TTC7B: variants seen among roughly 807,000 people sequenced by gnomAD.
TTC7B encodes the protein tetratricopeptide repeat protein 7B.
In TTC7B, 28 loss-of-function variants were observed where a neutral mutation model predicts 106.8. The ratio of observed to expected loss-of-function variants is 0.26; its 90% confidence interval spans 0.19 to 0.36. The LOEUF is 0.36. Among genes scored for constraint, TTC7B ranks in the 10% least tolerant of loss-of-function variants. TTC7B has a pLI of 1.00. For missense variants in TTC7B, 862 were observed against 1,076.4 expected (o/e 0.80, Z 2.79); for synonymous variants, 405 against 430.6 (o/e 0.94, Z 0.74).
chr14:90,767,093 C>T (rs78878264), intron 3 of TTC7B: 22,809 of 624,608 alleles, frequency 0.037, 542 homozygotes, highest in Middle Eastern at 0.05. Flanking sequence ...GTAGCTCACA[C>T]CTGTAACTGC....
intron 1 of TTC7B, among the ~76,000 whole-genome samples, chr14:90,809,171 T>G (rs2030762765): frequency 6.6e-6 from 1 of 152,176 alleles, no homozygotes; most frequent in Non-Finnish European, 1.5e-5. Flanking sequence ...GGCCATAAGA[T>G]GGCCACAGCT....
At chr14:90,660,771 C>T (rs1291259292) in intron 9 of TTC7B, among the ~76,000 whole-genome samples, 2 of 152,236 alleles carry the variant, frequency 1.3e-5, no homozygotes, top group African/African-American at 4.8e-5. Context: ...AGAGGTCACA[C>T]AGTAAATATC....
chr14:90,589,324 A>C (rs1891856994), intron 18 of TTC7B, among the ~76,000 whole-genome samples: 1 of 152,220 alleles, frequency 6.6e-6, no homozygotes, highest in Non-Finnish European at 1.5e-5. Context: ...TGAATACCAA[A>C]ATCCATGGAT....
chr14:90,754,381 T>A (rs1197581184), intron 3 of TTC7B, among the ~76,000 whole-genome samples: 1 of 152,198 alleles, frequency 6.6e-6, no homozygotes, highest in East Asian at 1.9e-4. Context: ...TGCTTTCTAA[T>A]CCACAGCTGA....
chr14:90,626,729 T>G (rs1464063403), intron 15 of TTC7B, among the ~76,000 whole-genome samples: 1 of 152,210 alleles, frequency 6.6e-6, no homozygotes, highest in Admixed American at 6.5e-5. Flanking sequence ...ACCGTGTCTA[T>G]ATGCTTTTCA....
intron 17 of TTC7B, among the ~76,000 whole-genome samples, chr14:90,605,313 AC>A (rs1415147967): frequency 6.6e-6 from 1 of 152,234 alleles, no homozygotes; most frequent in African/African-American, 2.4e-5. Flanking sequence ...CCAGGAAAGC[AC>A]GGAAGGACCC....
chr14:90,558,691 G>T (rs765070925), intron 19 of TTC7B, among the ~76,000 whole-genome samples: 1 of 152,206 alleles, frequency 6.6e-6, no homozygotes, highest in Non-Finnish European at 1.5e-5. Context: ...GGGTCTCCCC[G>T]GCCAGCGCTC....
chr14:90,763,699 T>C (rs748871936), intron 3 of TTC7B, among the ~76,000 whole-genome samples: 1 of 152,184 alleles, frequency 6.6e-6, no homozygotes, highest in Non-Finnish European at 1.5e-5. Flanking sequence ...ATGAGCTGTA[T>C]TTCTATACCT....
At chr14:90,689,286 T>C (rs1298358826) in intron 7 of TTC7B, among the ~76,000 whole-genome samples, 4 of 152,210 alleles carry the variant, frequency 2.6e-5, no homozygotes, top group Non-Finnish European at 1.5e-5. Context: ...CAAAAGCCAA[T>C]AGTGATGGCT....
At chr14:90,584,932 T>C (rs930350075) in intron 18 of TTC7B, among the ~76,000 whole-genome samples, 2 of 151,966 alleles carry the variant, frequency 1.3e-5, no homozygotes, top group Admixed American at 6.6e-5. Flanking sequence ...TCCTGATGGG[T>C]CTCCTGTCAC....
chr14:90,586,593 G>GGGGCTC (rs1366146239), intron 18 of TTC7B, among the ~76,000 whole-genome samples: 1 of 152,180 alleles, frequency 6.6e-6, no homozygotes, highest in Admixed American at 6.5e-5. Context: ...TAAATGTGGA[G>GGGGCTC]GGGCTCAGTC....
At chr14:90,754,962 T>C (rs1334584310) in intron 3 of TTC7B, among the ~76,000 whole-genome samples, 1 of 152,258 alleles carries the variant, frequency 6.6e-6, no homozygotes, top group Non-Finnish European at 1.5e-5. Context: ...AAATTAATCA[T>C]TTTAAACTGA....
In TTC7B at chr14:90,780,754, T is replaced by C; in HGVS notation, c.429A>G (p.Glu143=). The C allele has an allele frequency of 1.2e-6, 2 of 1,614,240 alleles. No homozygotes were observed. Among genetic ancestry groups the C allele is most frequent in the Non-Finnish European group, 1.7e-6 (2 of 1,180,054 alleles). ...VPPYRLRVIA[E]AYATKGLCLE... ...GGGCCTCACCTTTGGTAGCGTAGGC[T>C]TCTGCGATCACCCGCAGCCTGTAGG... The change falls in exon 3 of 20, where the codon GAA becomes GAG. Residue 143 remains glutamate (E), a synonymous_variant. Coordinates refer to ENST00000328459, the MANE Select transcript of TTC7B (RefSeq NM_001010854.2).
intron 18 of TTC7B, among the ~76,000 whole-genome samples, chr14:90,587,572 T>C (rs1338498206): frequency 6.6e-6 from 1 of 152,148 alleles, no homozygotes. Flanking sequence ...GCTCCCCTGG[T>C]TGGGGGAGGC....
At chr14:90,625,855 T>A (rs1421471707) in intron 15 of TTC7B, among the ~76,000 whole-genome samples, 2 of 152,230 alleles carry the variant, frequency 1.3e-5, no homozygotes, top group Non-Finnish European at 2.9e-5. Context: ...ATTGCTGCAT[T>A]GATGTGCTAT....
At chr14:90,743,343 C>T (rs951645201) in intron 4 of TTC7B, among the ~76,000 whole-genome samples, 6 of 152,150 alleles carry the variant, frequency 3.9e-5, no homozygotes, top group African/African-American at 1.4e-4. Flanking sequence ...ATCATATGCA[C>T]CAACACATGA....
intron 17 of TTC7B, among the ~76,000 whole-genome samples, chr14:90,610,007 T>C (rs1892808167): frequency 6.6e-6 from 1 of 152,230 alleles, no homozygotes; most frequent in Admixed American, 6.5e-5. Flanking sequence ...TTGTATAAAA[T>C]TGCCTAAATT....
rs150607314 is a variant in TTC7B at position 90,689,795 on chromosome 14, T to A, written c.778-83A>T. Reference sequence around the variant, plus strand: ...TTCAGTCAGTCAATAAATATTTATATCATCACATTGTGCTAAGCACTACTG... The same window carrying A: ...TTCAGTCAGTCAATAAATATTTATAACATCACATTGTGCTAAGCACTACTG... On this transcript the variant is annotated intron_variant, in intron 6 of 19. Transcript: ENST00000328459. 5 of 1,490,630 alleles carry A rather than the reference T, an allele frequency of 3.4e-6. No individual in the cohort carries two copies. In the Admixed American group the frequency reaches 1.0e-4, roughly 31 times the overall value. 92.3% of individuals were successfully genotyped at this position (1,490,630 alleles called of 1,614,324 possible).
At chr14:90,629,037 G>A (rs920518313) in intron 15 of TTC7B, among the ~76,000 whole-genome samples, 2 of 152,222 alleles carry the variant, frequency 1.3e-5, no homozygotes, top group African/African-American at 4.8e-5. Flanking sequence ...TCCGGCCTTG[G>A]CCCTCCTGAG....
Sources: allele counts gnomAD v4.1 joint callset (sites outside exome capture counted in the v4.1 genomes callset), GRCh38; gene constraint gnomAD v4.1.1; transcripts MANE v1.5; gene names NCBI Gene and HGNC (gene_info 2026-07-23, HGNC 2026-07-21).